The following PPP1R1C variants were observed in gnomAD, a reference collection of about 807,000 sequenced individuals.
PPP1R1C encodes the protein protein phosphatase 1 regulatory subunit 1C.
PPP1R1C carries 15 observed loss-of-function variants against 17.4 expected under a neutral mutation model. The observed-to-expected ratio is 0.86, with a 90% CI of 0.58 to 1.33. The LOEUF is 1.33. Among genes scored for constraint, PPP1R1C ranks in the 40% most tolerant of loss-of-function variants. The pLI is 0.00. For synonymous variants in PPP1R1C, 35 were observed against 43.1 expected (o/e 0.81, Z 0.73); for missense variants, 143 against 130.0 (o/e 1.10, Z -0.48).
rs1220562542 is a variant in PPP1R1C, at chr2:181,992,583, T to C, written c.142+4684T>C. 8.9e-5 allele frequency among the ~76,000 whole-genome samples: 12 copies of C among 134,588 alleles called. 1 individual carries two copies. The highest frequency in any genetic ancestry group is 4.0e-4 in the East Asian group (2 of 4,984). The allele number at this position is 134,588 out of a possible 152,430, so 88.3% of individuals were successfully genotyped here. ...ACGCCTACTAAACATGAGTGAGCTG[T>C]ATGAGGCCTGGAGATAAGTGCAGAT... On this transcript the variant is annotated intron_variant, in intron 2 of 4. Transcript: ENST00000682840.
intron 2 of PPP1R1C, among the ~76,000 whole-genome samples, chr2:182,020,327 T>C (rs1686380887): frequency 6.6e-6 from 1 of 152,204 alleles, no homozygotes; most frequent in African/African-American, 2.4e-5. Flanking sequence ...TAAAATATCT[T>C]ATTAGACATG....
chr2:182,086,174 GA>G (rs961950520), intron 4 of PPP1R1C, among the ~76,000 whole-genome samples: 3 of 151,906 alleles, frequency 2.0e-5, no homozygotes, highest in Non-Finnish European at 2.9e-5. Context: ...AAAAGAAGTA[GA>G]AAAAAATGTT....
intron 3 of PPP1R1C, among the ~76,000 whole-genome samples, chr2:182,062,949 G>A (rs1415672518): frequency 6.6e-6 from 1 of 152,058 alleles, no homozygotes; most frequent in Non-Finnish European, 1.5e-5. Context: ...AAATCAACAT[G>A]CTATTAAAAT....
intron 4 of PPP1R1C, among the ~76,000 whole-genome samples, chr2:182,065,216 G>A (rs962008625): frequency 6.6e-6 from 1 of 151,962 alleles, no homozygotes; most frequent in African/African-American, 2.4e-5. Context: ...AGAAAGCACA[G>A]TAATTGTTTC....
Position 182,111,443 on chromosome 2 carries a change from T to A in PPP1R1C, c.242-5764T>A, listed in dbSNP as rs573785976. The stretch of plus-strand genomic sequence containing the variant: ...GATTAACTGTGCTGTCTACATATAA[T>A]TTACGTCAAATAAAATAGAAAGGGA... On this transcript the variant is annotated intron_variant, in intron 4 of 4. Coordinates refer to ENST00000682840, the MANE Select transcript of PPP1R1C (RefSeq NM_001080545.3). Among the ~76,000 whole-genome samples, 5 of 152,262 alleles carry A rather than the reference T, an allele frequency of 3.3e-5. No individual in the cohort carries two copies. In the East Asian group the frequency reaches 9.7e-4, roughly 29 times the overall value.
chr2:182,009,239 T>G (rs1055351766), intron 2 of PPP1R1C, among the ~76,000 whole-genome samples: 7 of 152,138 alleles, frequency 4.6e-5, no homozygotes, highest in Non-Finnish European at 1.0e-4. Flanking sequence ...AAATTTACAT[T>G]CCCACCAGCA....
At chr2:182,042,104 T>C (rs1456702152) in intron 2 of PPP1R1C, among the ~76,000 whole-genome samples, 30 of 152,222 alleles carry the variant, frequency 2.0e-4, no homozygotes, top group Non-Finnish European at 4.4e-4. Flanking sequence ...TGAATTGTGA[T>C]AATTGAATTA....
chr2:182,116,371 A>T (rs1689582584), intron 4 of PPP1R1C, among the ~76,000 whole-genome samples: 1 of 152,080 alleles, frequency 6.6e-6, no homozygotes, highest in African/African-American at 2.4e-5. Context: ...AGCAGGGGGG[A>T]ATATGAGAAA....
rs534265993 is a variant in PPP1R1C at position 182,076,372 on chromosome 2, T to G, written c.241+12581T>G. On this transcript the variant is annotated intron_variant, in intron 4 of 4. Transcript: ENST00000682840. ...ACCACGCCCGACTAATTTTTTTTTT[T>G]TGTATGAACTTCTATAATAGAAAAA... Among the ~76,000 whole-genome samples, 11 of 151,424 alleles carry G rather than the reference T, an allele frequency of 7.3e-5. No homozygotes were observed. The South Asian group carries it at 2.3e-3, about 32-fold the overall frequency.
At chr2:181,987,619 A>T (rs1559046530) in intron 1 of PPP1R1C, among the ~76,000 whole-genome samples, 1 of 152,218 alleles carries the variant, frequency 6.6e-6, no homozygotes, top group Non-Finnish European at 1.5e-5. Context: ...GTGGAAATGT[A>T]GCTTTTTGGT....
intron 4 of PPP1R1C, among the ~76,000 whole-genome samples, chr2:182,066,413 A>G (rs1687984264): frequency 6.6e-6 from 1 of 152,116 alleles, no homozygotes; most frequent in African/African-American, 2.4e-5. Context: ...TGTTATTTTT[A>G]TCTGATCCAT....
intron 2 of PPP1R1C, among the ~76,000 whole-genome samples, chr2:182,007,017 C>T (rs1045833376): frequency 7.2e-5 from 11 of 151,948 alleles, no homozygotes; most frequent in Non-Finnish European, 8.8e-5. Context: ...TTTATTTATG[C>T]GGAGGACATA....
intron 4 of PPP1R1C, among the ~76,000 whole-genome samples, chr2:182,104,810 T>G (rs555341908): frequency 6.6e-6 from 1 of 152,326 alleles, no homozygotes; most frequent in South Asian, 2.1e-4. Flanking sequence ...ATCTTCAGTA[T>G]TTTGGAAGAT....
intron 2 of PPP1R1C, among the ~76,000 whole-genome samples, chr2:182,046,494 G>A (rs985201220): frequency 9.1e-4 from 138 of 151,598 alleles, no homozygotes; most frequent in Non-Finnish European, 2.7e-4. Flanking sequence ...TTGGGAGGCC[G>A]AGGCAGGCAG....
At chr2:182,036,337 T>G (rs1029844599) in intron 2 of PPP1R1C, among the ~76,000 whole-genome samples, 2 of 152,202 alleles carry the variant, frequency 1.3e-5, no homozygotes, top group South Asian at 4.1e-4. Flanking sequence ...TTGTTGAGAT[T>G]AAATAGAATA....
At chr2:182,032,698 C>T (rs1238347600) in intron 2 of PPP1R1C, among the ~76,000 whole-genome samples, 1 of 152,110 alleles carries the variant, frequency 6.6e-6, no homozygotes, top group African/African-American at 2.4e-5. Context: ...GTGTGAGCTG[C>T]CCTGGATTAT....
At chr2:182,036,011 A>G (rs1050179423) in intron 2 of PPP1R1C, among the ~76,000 whole-genome samples, 3 of 151,682 alleles carry the variant, frequency 2.0e-5, no homozygotes, top group African/African-American at 4.9e-5. Context: ...ACACACACAC[A>G]TTTGCTTTTC....
intron 4 of PPP1R1C, among the ~76,000 whole-genome samples, chr2:182,106,412 G>A (rs748907112): frequency 3.9e-5 from 6 of 152,214 alleles, no homozygotes; most frequent in African/African-American, 9.6e-5. Context: ...ACCAGCAGAC[G>A]CTGTCAGGAC....
chr2:182,096,982 A>C (rs1379876761), intron 4 of PPP1R1C, among the ~76,000 whole-genome samples: 1 of 152,210 alleles, frequency 6.6e-6, no homozygotes, highest in African/African-American at 2.4e-5. Flanking sequence ...CTGCACACAG[A>C]ACAGACTGGA....
Sources: gnomAD v4.1 joint callset for allele counts (sites outside exome capture counted in the v4.1 genomes callset) on GRCh38, gnomAD v4.1.1 for gene constraint, MANE v1.5 for transcripts, NCBI Gene and HGNC (gene_info 2026-07-23, HGNC 2026-07-21) for gene names.